Variants in MCC observed in about 807,000 individuals in gnomAD.
MCC encodes the protein MCC regulator of Wnt signaling pathway.
Under a neutral mutation model 116.2 loss-of-function variants are expected in MCC, and 90 were observed. The observed-to-expected ratio is 0.77, with a 90% CI of 0.65 to 0.92. MCC has a LOEUF of 0.92. Among genes scored for constraint, MCC ranks in the 40% least tolerant of loss-of-function variants. The pLI is 0.00. For synonymous variants in MCC, 578 were observed against 510.5 expected (o/e 1.13, Z -1.78); for missense variants, 1,516 against 1,312.2 (o/e 1.16, Z -2.40).
At chr5:113,469,331 T>C (rs1423999815) in intron 1 of MCC, among the ~76,000 whole-genome samples, 1 of 152,164 alleles carries the variant, frequency 6.6e-6, no homozygotes, top group Non-Finnish European at 1.5e-5. Flanking sequence ...GTGCTAGAAA[T>C]TTCCCTCTAC....
intron 1 of MCC, among the ~76,000 whole-genome samples, chr5:113,486,589 A>ATT (rs1561597183): frequency 1.3e-5 from 2 of 152,180 alleles, no homozygotes; most frequent in Admixed American, 6.5e-5. Flanking sequence ...CAGGCCTGTA[A>ATT]TCTCAGCGCT....
intron 3 of MCC, among the ~76,000 whole-genome samples, chr5:113,283,142 T>C (rs1367731029): frequency 1.3e-5 from 2 of 152,254 alleles, no homozygotes; most frequent in Non-Finnish European, 2.9e-5. Flanking sequence ...AGCCCATTTA[T>C]TTTCTGTGGA....
intron 3 of MCC, among the ~76,000 whole-genome samples, chr5:113,225,947 C>T (rs112364433): frequency 0.021 from 3,183 of 152,310 alleles, 75 homozygotes; most frequent in African/African-American, 0.059. Flanking sequence ...CCAAGGCAGG[C>T]GGATCACTTG....
intron 1 of MCC, among the ~76,000 whole-genome samples, chr5:113,408,574 C>T (rs1054760189): frequency 3.0e-4 from 45 of 152,266 alleles, no homozygotes; most frequent in Non-Finnish European, 4.7e-4. Context: ...AAAATGTAGT[C>T]GTGAGACCAG....
chr5:113,367,336 C>T (rs1385629718), intron 2 of MCC, among the ~76,000 whole-genome samples: 1 of 145,824 alleles, frequency 6.9e-6, no homozygotes, highest in Non-Finnish European at 1.5e-5. Flanking sequence ...TGAGTTCAGC[C>T]TCAAATTCTT....
intron 17 of MCC, among the ~76,000 whole-genome samples, chr5:113,042,134 T>A (rs570456341): frequency 1.3e-5 from 2 of 151,084 alleles, no homozygotes; most frequent in Admixed American, 1.3e-4. Context: ...ATGAAAAGAA[T>A]TACATGTGAA....
intron 1 of MCC, among the ~76,000 whole-genome samples, chr5:113,409,165 G>T (rs564395783): frequency 1.3e-5 from 2 of 152,126 alleles, no homozygotes; most frequent in East Asian, 3.8e-4. Flanking sequence ...TTTCTCCTCT[G>T]CACTTAAAAA....
intron 1 of MCC, among the ~76,000 whole-genome samples, chr5:113,437,514 T>C (rs1770898000): frequency 6.6e-6 from 1 of 152,204 alleles, no homozygotes; most frequent in African/African-American, 2.4e-5. Flanking sequence ...AAATATTGTA[T>C]CTAAAATCCT....
chr5:113,416,261 C>A (rs1770144105), intron 1 of MCC, among the ~76,000 whole-genome samples: 1 of 152,056 alleles, frequency 6.6e-6, no homozygotes, highest in Admixed American at 6.6e-5. Context: ...TTCATTTAAA[C>A]AATGTTGGAG....
intron 1 of MCC, among the ~76,000 whole-genome samples, chr5:113,441,672 G>A (rs1207121158): frequency 6.6e-6 from 1 of 151,980 alleles, no homozygotes; most frequent in African/African-American, 2.4e-5. Context: ...CCCTGGACAG[G>A]CCCCAGTGTA....
At chr5:113,350,367 T>C (rs556283971) in intron 2 of MCC, among the ~76,000 whole-genome samples, 16 of 152,116 alleles carry the variant, frequency 1.1e-4, no homozygotes, top group South Asian at 4.1e-4. Flanking sequence ...TGGAACAGAA[T>C]AGAGAACGCA....
intron 1 of MCC, among the ~76,000 whole-genome samples, chr5:113,431,933 C>A (rs1314697233): frequency 6.6e-6 from 1 of 152,108 alleles, no homozygotes; most frequent in Non-Finnish European, 1.5e-5. Flanking sequence ...GTCAAGAGAT[C>A]AAGATCATCC....
At chr5:113,313,355 A>G (rs1433124215) in intron 3 of MCC, among the ~76,000 whole-genome samples, 14 of 151,832 alleles carry the variant, frequency 9.2e-5, no homozygotes, top group Admixed American at 7.9e-4. Flanking sequence ...AAAACAAAAA[A>G]CAAACAAACA....
chr5:113,422,677 G>C (rs573240831), intron 1 of MCC, among the ~76,000 whole-genome samples: 13 of 152,260 alleles, frequency 8.5e-5, no homozygotes, highest in African/African-American at 2.6e-4. Context: ...CGTGGAATCT[G>C]GACCTGGATG....
intron 3 of MCC, among the ~76,000 whole-genome samples, chr5:113,290,530 A>G (rs1338708389): frequency 6.6e-6 from 1 of 152,246 alleles, no homozygotes; most frequent in African/African-American, 2.4e-5. Context: ...CAAGCAGACA[A>G]CTACTCTGCA....
chr5:113,256,933 G>C (rs998058454), intron 3 of MCC, among the ~76,000 whole-genome samples: 1 of 152,130 alleles, frequency 6.6e-6, no homozygotes, highest in Non-Finnish European at 1.5e-5. Context: ...AACTCTCCTT[G>C]AGTTCTCCAA....
chr5:113,269,806 G>A (rs1414006404), intron 3 of MCC, among the ~76,000 whole-genome samples: 1 of 152,188 alleles, frequency 6.6e-6, no homozygotes, highest in Non-Finnish European at 1.5e-5. Flanking sequence ...GGGTGACAGC[G>A]AAAACCCCAC....
chr5:113,101,985 C>T, intron 7 of MCC, 40 bp from the exon 8 acceptor site: 2 of 1,602,858 alleles, frequency 1.2e-6, no homozygotes, highest in Non-Finnish European at 8.5e-7. Flanking sequence ...AGTAAGTTAC[C>T]TTGGAGAAAG....
intron 1 of MCC, among the ~76,000 whole-genome samples, chr5:113,395,398 G>A (rs1769501689): frequency 6.6e-6 from 1 of 152,192 alleles, no homozygotes; most frequent in Non-Finnish European, 1.5e-5. Flanking sequence ...GCTGAAAGCT[G>A]AGTCATGCAA....
Sources: allele counts gnomAD v4.1 joint callset (sites outside exome capture counted in the v4.1 genomes callset), GRCh38; gene constraint gnomAD v4.1.1; transcripts MANE v1.5; gene names NCBI Gene and HGNC (gene_info 2026-07-23, HGNC 2026-07-21).